The following PDE4D variants were observed in gnomAD, a reference collection of about 807,000 sequenced individuals.
PDE4D encodes phosphodiesterase 4D, also known as 3',5'-cyclic-AMP phosphodiesterase 4D.
In PDE4D, 24 loss-of-function variants were observed where a neutral mutation model predicts 87.4. The observed-to-expected ratio is 0.27, with a 90% CI of 0.20 to 0.39. PDE4D has a LOEUF of 0.39. Among genes scored for constraint, PDE4D ranks in the 10% least tolerant of loss-of-function variants. The probability of loss-of-function intolerance (pLI) is 1.00; values close to 1 mark genes in which losing one functional copy is unlikely to be tolerated. For synonymous variants in PDE4D, 384 were observed against 383.2 expected, an observed-to-expected ratio of 1.00 and a Z score of -0.02; for missense variants, 714 against 1,041.0, an observed-to-expected ratio of 0.69 and a Z score of 4.32.
chr5:59,933,251 A>G (rs1490987237), intron 3 of PDE4D, among the ~76,000 whole-genome samples: 1 of 152,206 alleles, frequency 6.6e-6, no homozygotes, highest in African/African-American at 2.4e-5. Flanking sequence ...AATTATTGAT[A>G]TGTCTCTAAA....
At chr5:59,282,364 C>T (rs548348085) in intron 1 of PDE4D, among the ~76,000 whole-genome samples, 50 of 151,958 alleles carry the variant, frequency 3.3e-4, no homozygotes, top group African/African-American at 8.4e-4. Flanking sequence ...TTGGAGGCTG[C>T]GCGCGGTGGC....
chr5:59,174,425 T>TC (rs1783499560), intron 5 of PDE4D: 2 of 152,632 alleles, frequency 1.3e-5, no homozygotes, highest in African/African-American at 4.8e-5. Context: ...GCATCATGTG[T>TC]CTCCCCCTAC....
Position 60,150,546 on chromosome 5 carries a change from A to G in PDE4D, c.42+35011T>C, listed in dbSNP as rs1562154799. Among the ~76,000 whole-genome samples, 4 of 152,078 alleles carry G rather than the reference A, an allele frequency of 2.6e-5. No homozygotes were observed. The South Asian group carries it at 6.2e-4, about 24-fold the overall frequency. ...AAAAGTGTCTCTCAGAGAGAAATCTATGCTCACTGGTCTGATGGTGTCAGA... is the reference window on the plus strand; with the variant it reads ...AAAAGTGTCTCTCAGAGAGAAATCTGTGCTCACTGGTCTGATGGTGTCAGA... On this transcript the variant is annotated intron_variant, in intron 2 of 16. Coordinates refer to the PDE4D transcript ENST00000502484.
At chr5:59,769,028 C>G (rs932775494) in intron 1 of PDE4D, among the ~76,000 whole-genome samples, 1 of 152,066 alleles carries the variant, frequency 6.6e-6, no homozygotes, top group African/African-American at 2.4e-5. Flanking sequence ...TATCTCCCTA[C>G]AGTCCACGTT....
chr5:60,171,232 A>T (rs1371807029), intron 2 of PDE4D, among the ~76,000 whole-genome samples: 1 of 152,080 alleles, frequency 6.6e-6, no homozygotes, highest in Non-Finnish European at 1.5e-5. Flanking sequence ...ACCATATGAG[A>T]GAATTTCAAT....
intron 1 of PDE4D, among the ~76,000 whole-genome samples, chr5:59,418,021 T>C (rs551726659): frequency 6.6e-6 from 1 of 152,190 alleles, no homozygotes. Context: ...ATACAAAATT[T>C]AATATTGTAA....
rs369343684 is a variant in PDE4D, at chr5:60,415,628, C to T, written c.-90+72314G>A. 2.0e-5 allele frequency among the ~76,000 whole-genome samples: 3 copies of T among 152,376 alleles called. No individual in the cohort carries two copies. In the South Asian group the frequency reaches 6.2e-4, roughly 32 times the overall value. On this transcript the variant is annotated intron_variant, in intron 1 of 16. Transcript: ENST00000502484. ...GCAGCTGCTGCACTCAATTTCTCAC[C>T]AGGCCTTAGTTGCCTCCCCACGGGG...
chr5:59,844,422 C>T (rs141732299), intron 1 of PDE4D, among the ~76,000 whole-genome samples: 15 of 152,164 alleles, frequency 9.9e-5, no homozygotes, highest in South Asian at 4.2e-4. Flanking sequence ...TAATATTTTA[C>T]GGTATGCAGT....
chr5:60,320,236 G>A (rs1025132001), intron 1 of PDE4D, among the ~76,000 whole-genome samples: 24 of 152,226 alleles, frequency 1.6e-4, no homozygotes, highest in Non-Finnish European at 2.9e-4. Flanking sequence ...TCAGACTGCT[G>A]TGCTGGCAAT....
Position 59,462,171 on chromosome 5 carries a change from C to T in PDE4D, c.456-246203G>A, listed in dbSNP as rs1044639849. 3.3e-5 allele frequency among the ~76,000 whole-genome samples: 5 copies of T among 152,220 alleles called. No individual in the cohort carries two copies. In the East Asian group the frequency reaches 9.7e-4, roughly 29 times the overall value. On this transcript the variant is annotated intron_variant, in intron 1 of 14. Transcript: ENST00000340635. ...TCTTCTAAATGTGAAGAAAACACTT[C>T]TAAGAATAGCAAATAGAACAACTTA...
chr5:59,715,171 A>C (rs1057432068), intron 1 of PDE4D, among the ~76,000 whole-genome samples: 1 of 152,246 alleles, frequency 6.6e-6, no homozygotes, highest in Non-Finnish European at 1.5e-5. Flanking sequence ...GTGTTCATTG[A>C]TAACAACCCC....
At chr5:59,666,642 C>T (rs1246311605) in intron 1 of PDE4D, among the ~76,000 whole-genome samples, 2 of 152,144 alleles carry the variant, frequency 1.3e-5, no homozygotes, top group Non-Finnish European at 2.9e-5. Context: ...GAATGCATAG[C>T]GTGGCTTACT....
chr5:59,687,074 T>C (rs990622881), intron 1 of PDE4D, among the ~76,000 whole-genome samples: 1 of 152,170 alleles, frequency 6.6e-6, no homozygotes, highest in Non-Finnish European at 1.5e-5. Context: ...TTTGAAAGAA[T>C]GCTGTAATTG....
intron 11 of PDE4D, 58 bp from the exon 12 acceptor site, chr5:58,977,403 A>G: frequency 6.7e-7 from 1 of 1,499,304 alleles, no homozygotes; most frequent in Non-Finnish European, 9.1e-7. Context: ...AGTTTATCTG[A>G]TTCTTAAAAT....
chr5:59,312,539 C>T (rs962793762), intron 1 of PDE4D, among the ~76,000 whole-genome samples: 1 of 152,134 alleles, frequency 6.6e-6, no homozygotes, highest in Non-Finnish European at 1.5e-5. Context: ...CACCATAAAC[C>T]AGGGGCCAAA....
intron 1 of PDE4D, among the ~76,000 whole-genome samples, chr5:59,330,070 T>G (rs879482324): frequency 6.6e-6 from 1 of 152,164 alleles, no homozygotes; most frequent in Non-Finnish European, 1.5e-5. Context: ...GCCCTTGGGA[T>G]GAAAACTGGG....
At position 59,771,548 on chromosome 5, in the gene PDE4D, AAG is replaced by A. The variant is rs759336292; in HGVS notation, c.455+121618_455+121619del. Among the ~76,000 whole-genome samples, 94 of 139,570 alleles carry A rather than the reference AAG, an allele frequency of 6.7e-4. 1 individual carries two copies. The highest frequency in any genetic ancestry group is 3.1e-3 in the African/African-American group (92 of 29,730). 91.6% of individuals were successfully genotyped at this position (139,570 alleles called of 152,430 possible). On this transcript the variant is annotated intron_variant, in intron 1 of 14. Coordinates refer to ENST00000340635, the MANE Select transcript of PDE4D (RefSeq NM_001104631.2). ...AAAGAAAGAAAGAAAGAAAGAAAGA[AAG>A]AAAAGAAAGAATGATATGGGCAATA...
chr5:60,415,889 G>A (rs1470957017), intron 1 of PDE4D, among the ~76,000 whole-genome samples: 4 of 152,232 alleles, frequency 2.6e-5, no homozygotes, highest in Admixed American at 6.5e-5. Flanking sequence ...TGAGTCTGGT[G>A]GGGACTTGGA....
At position 59,764,900 on chromosome 5, in the gene PDE4D, G is replaced by A. The variant is rs141148126; in HGVS notation, c.455+128268C>T. Among the ~76,000 whole-genome samples the A allele has an allele frequency of 9.2e-5, 14 of 151,960 alleles. No individual in the cohort carries two copies. In the East Asian group the frequency reaches 1.2e-3, roughly 13 times the overall value. Reference sequence around the variant, plus strand: ...TCAAACTCCTGAGCTCAGGGACTCCGCCCTCCTCAGCCTCCCAAAGTGCTA... The same window carrying A: ...TCAAACTCCTGAGCTCAGGGACTCCACCCTCCTCAGCCTCCCAAAGTGCTA... On this transcript the variant is annotated intron_variant, in intron 1 of 14. Transcript: ENST00000340635.
Sources: allele counts gnomAD v4.1 joint callset (sites outside exome capture counted in the v4.1 genomes callset), GRCh38; gene constraint gnomAD v4.1.1; transcripts MANE v1.5; gene names NCBI Gene and HGNC (gene_info 2026-07-23, HGNC 2026-07-21).